Variants in PDSS1 observed in about 807,000 individuals in gnomAD.
The protein encoded by PDSS1 is decaprenyl diphosphate synthase subunit 1.
PDSS1 carries 43 observed loss-of-function variants against 57.5 expected under a neutral mutation model. The ratio of observed to expected loss-of-function variants is 0.75; its 90% CI spans 0.59 to 0.96. PDSS1 has a LOEUF of 0.96. PDSS1 is among the 50% of genes least tolerant of loss of function. The pLI is 0.00. For missense variants in PDSS1, 438 were observed against 527.8 expected (o/e 0.83, Z 1.67); for synonymous variants, 175 against 191.3 (o/e 0.91, Z 0.70).
At chr10:26,706,133 G>A (rs753383546) in intron 4 of PDSS1, among the ~76,000 whole-genome samples, 1 of 152,148 alleles carries the variant, frequency 6.6e-6, no homozygotes, top group African/African-American at 2.4e-5. Context: ...GTTGGGCACC[G>A]TGGCTCGTGC....
chr10:26,707,537 CTG>C (rs1398461837), intron 4 of PDSS1, among the ~76,000 whole-genome samples: 1 of 152,138 alleles, frequency 6.6e-6, no homozygotes, highest in African/African-American at 2.4e-5. Flanking sequence ...GCACTATTGA[CTG>C]TAACCCCTCC....
chr10:26,707,115 G>A (rs761343044), intron 4 of PDSS1, among the ~76,000 whole-genome samples: 1 of 152,172 alleles, frequency 6.6e-6, no homozygotes, highest in East Asian at 1.9e-4. Context: ...GCCCGCATGC[G>A]CAGTGGCCCG....
Position 26,720,270 on chromosome 10 carries a change from A to C in PDSS1, c.520A>C (p.Thr174Pro). ...AGCCTTAATTGCAGAAATGATCCAC[A>C]CTGCTAGTCTGGTTCACGATGACGT... ...AIALIAEMIH[T>P]ASLVHDDVID... The change falls in exon 6 of 12, where the codon ACT (threonine) becomes CCT (proline). Residue 174 changes from threonine to proline, a missense_variant. By Grantham distance (38) the Thr-to-Pro change is conservative. Coordinates refer to ENST00000376215, the MANE Select transcript of PDSS1 (RefSeq NM_014317.5). 1 of 1,613,942 alleles carries C rather than the reference A, an allele frequency of 6.2e-7. No homozygotes were observed. The highest frequency in any genetic ancestry group is 8.5e-7 in the Non-Finnish European group (1 of 1,179,922).
intron 1 of PDSS1, chr10:26,701,908 A>G (rs573727735): frequency 4.2e-5 from 19 of 450,244 alleles, no homozygotes; most frequent in Non-Finnish European, 6.7e-5. Flanking sequence ...TGAACCCTGC[A>G]AAGCCACAGA....
chr10:26,701,541 G>A lies in PDSS1; in HGVS notation c.130-621G>A, dbSNP rs540423002. Among the ~76,000 whole-genome samples, 4 of 152,320 alleles carry A rather than the reference G, an allele frequency of 2.6e-5. No individual in the cohort carries two copies. In the South Asian group the frequency reaches 8.3e-4, roughly 32 times the overall value. ...TGGGCCATTGCTTCAGAGGGTATAA[G>A]CCCCAAGCCTTGGTGGCTTCCATGT... On this transcript the variant is annotated intron_variant, in intron 1 of 11. Coordinates refer to ENST00000376215, the MANE Select transcript of PDSS1 (RefSeq NM_014317.5).
intron 8 of PDSS1, among the ~76,000 whole-genome samples, chr10:26,730,105 G>A (rs981306158): frequency 6.6e-6 from 1 of 151,212 alleles, no homozygotes; most frequent in South Asian, 2.1e-4. Context: ...GTAGAGATGG[G>A]GTTTCATGGT....
intron 5 of PDSS1, 154 bp from the exon 6 acceptor site, chr10:26,720,064 A>G (rs1237677064): frequency 4.0e-6 from 4 of 999,978 alleles, no homozygotes; most frequent in Non-Finnish European, 5.9e-6. Flanking sequence ...GTAAATGTAT[A>G]GAAATGGCTG....
At chr10:26,740,836 G>A in intron 10 of PDSS1, 2 of 367,398 alleles carry the variant, frequency 5.4e-6, no homozygotes, top group South Asian at 4.0e-5. Flanking sequence ...ACCAAGACTA[G>A]AGTTCGGATC....
At chr10:26,709,279 G>T (rs115033208) in intron 4 of PDSS1, among the ~76,000 whole-genome samples, 354 of 152,294 alleles carry the variant, frequency 2.3e-3, no homozygotes, top group African/African-American at 8.0e-3. Flanking sequence ...AGAAATCCTG[G>T]CCAGGCACGG....
At chr10:26,740,715 CT>C in intron 10 of PDSS1, 1 of 456,688 alleles carries the variant, frequency 2.2e-6, no homozygotes, top group South Asian at 1.5e-5. Flanking sequence ...CATCTTACCT[CT>C]TCCGTGGAGC....
chr10:26,737,599 G>C (rs1331235453), intron 10 of PDSS1, among the ~76,000 whole-genome samples: 1 of 151,826 alleles, frequency 6.6e-6, no homozygotes, highest in African/African-American at 2.4e-5. Context: ...GGGCCTGGTG[G>C]TGCATGCCTG....
At chr10:26,735,424 G>C (rs1383050775) in intron 9 of PDSS1, 42 bp from the exon 10 acceptor site, 1 of 1,420,038 alleles carries the variant, frequency 7.0e-7, no homozygotes, top group Non-Finnish European at 1.0e-6. Flanking sequence ...CAGCAGTGTT[G>C]GCATGGCGGT....
intron 11 of PDSS1, among the ~76,000 whole-genome samples, chr10:26,743,520 G>T (rs1836701347): frequency 6.6e-6 from 1 of 152,176 alleles, no homozygotes; most frequent in Non-Finnish European, 1.5e-5. Flanking sequence ...CTTTTTTGGA[G>T]AATGGTTTAA....
rs1025072685 is a variant in PDSS1 at position 26,705,414 on chromosome 10, G to C, written c.336+20G>C. On this transcript the variant is annotated intron_variant, in intron 4 of 11. Transcript: ENST00000376215. ...AGAAAGGTGAGTTTTTTATTCTGCT[G>C]TGATGTAATGTTTTAGCTTACCAAA... The C allele has an allele frequency of 2.0e-5, 24 of 1,191,218 alleles. No homozygotes were observed. The highest frequency in any genetic ancestry group is 2.6e-5 in the Non-Finnish European group (21 of 802,276). The allele number at this position is 1,191,218 out of a possible 1,614,324, so 73.8% of individuals were successfully genotyped here.
intron 5 of PDSS1, 145 bp downstream of exon 5, chr10:26,709,913 G>GATTAT: frequency 2.3e-6 from 2 of 866,968 alleles, no homozygotes; most frequent in South Asian, 1.5e-5. Flanking sequence ...AGCATTCTGG[G>GATTAT]AGCCTGAGGC....
At chr10:26,742,688 G>C (rs1386589951) in intron 11 of PDSS1, 111 bp downstream of exon 11, 1 of 723,280 alleles carries the variant, frequency 1.4e-6, no homozygotes, top group African/African-American at 1.7e-5. Context: ...AAGACTGTTT[G>C]GTCAACTCTT....
intron 8 of PDSS1, among the ~76,000 whole-genome samples, chr10:26,729,295 T>C (rs902972716): frequency 2.6e-5 from 4 of 152,160 alleles, no homozygotes; most frequent in African/African-American, 9.7e-5. Flanking sequence ...AAACCAGAAT[T>C]TGAGTACTGG....
intron 10 of PDSS1, among the ~76,000 whole-genome samples, chr10:26,739,220 C>G (rs3802610): frequency 0.16 from 24,887 of 152,084 alleles, 2,521 homozygotes; most frequent in East Asian, 0.49. Context: ...GACTCATACT[C>G]ATCACCTTAG....
intron 4 of PDSS1, 37 bp downstream of exon 4, chr10:26,705,431 C>A (rs1835180888): frequency 1.2e-6 from 1 of 840,922 alleles, no homozygotes; most frequent in Admixed American, 2.3e-5. Flanking sequence ...AATGTTTTAG[C>A]TTACCAAAAC....
Sources: gnomAD v4.1 joint callset for allele counts (sites outside exome capture counted in the v4.1 genomes callset) on GRCh38, gnomAD v4.1.1 for gene constraint, MANE v1.5 for transcripts, NCBI Gene and HGNC (gene_info 2026-07-23, HGNC 2026-07-21) for gene names.